The following ZDHHC8 variants were observed in gnomAD, a reference collection of about 807,000 sequenced individuals.
ZDHHC8 encodes the protein palmitoyltransferase ZDHHC8.
Under a neutral mutation model 61.2 loss-of-function variants are expected in ZDHHC8, and 24 were observed. That is an observed-to-expected ratio of 0.39 (90% CI 0.28 to 0.55). The LOEUF (loss-of-function observed/expected upper bound fraction) is 0.55. Among genes scored for constraint, ZDHHC8 ranks in the 20% least tolerant of loss-of-function variants. ZDHHC8 has a pLI of 0.60. For missense variants in ZDHHC8, 935 were observed against 1,102.1 expected, an observed-to-expected ratio of 0.85 and a Z score of 2.15; for synonymous variants, 523 against 492.5, an observed-to-expected ratio of 1.06 and a Z score of -0.82.
chr22:20,142,547 GC>G (rs2148008219), intron 9 of ZDHHC8, among the ~76,000 whole-genome samples: 1 of 152,314 alleles, frequency 6.6e-6, no homozygotes, highest in East Asian at 1.9e-4. Flanking sequence ...GTCTGCAGTA[GC>G]CAGCTGTGGC....
In ZDHHC8 at chr22:20,140,895, G is replaced by C; in HGVS notation, c.777G>C (p.Leu259=). The change falls in exon 7 of 11, where the codon CTG becomes CTC. Residue 259 remains leucine (L), a synonymous_variant. Transcript: ENST00000334554. ...GGTACGTGGTGGAGCCACCCCGGCTGCCGCTCGCGGTGAGTTTGAAGCCGC... is the reference window on the plus strand; with the variant it reads ...GGTACGTGGTGGAGCCACCCCGGCTCCCGCTCGCGGTGAGTTTGAAGCCGC... ...APRYVVEPPR[L]PLAVSLKPPF... 1 of 1,604,342 alleles carries C rather than the reference G, an allele frequency of 6.2e-7. No homozygotes were observed. Among genetic ancestry groups the C allele is most frequent in the Non-Finnish European group, 8.5e-7 (1 of 1,179,950 alleles).
intron 10 of ZDHHC8, among the ~76,000 whole-genome samples, chr22:20,144,633 C>T (rs184128526): frequency 1.3e-5 from 2 of 152,214 alleles, no homozygotes; most frequent in African/African-American, 4.8e-5. Context: ...AGGGTGGGAC[C>T]TGTTCAGCTT....
intron 5 of ZDHHC8, 67 bp from the exon 6 acceptor site, chr22:20,140,550 C>T: frequency 1.4e-6 from 2 of 1,468,370 alleles, no homozygotes; most frequent in South Asian, 1.4e-5. Flanking sequence ...GCTCCCTTGC[C>T]CAGCCCCCTG....
At chr22:20,134,437 T>A (rs1602565520) in intron 1 of ZDHHC8, among the ~76,000 whole-genome samples, 1 of 152,112 alleles carries the variant, frequency 6.6e-6, no homozygotes, top group Non-Finnish European at 1.5e-5. Flanking sequence ...TAGGCAGGGG[T>A]CCAGGCGGCC....
rs1156622864 is a variant in ZDHHC8, at chr22:20,146,941, G to A, written c.*1541G>A. 2.4e-5 allele frequency: 32 copies of A among 1,356,614 alleles called. No individual in the cohort carries two copies. The East Asian group carries it at 5.6e-4, about 24-fold the overall frequency. The allele number at this position is 1,356,614 out of a possible 1,614,324, so 84.0% of individuals were successfully genotyped here. On this transcript the variant is annotated 3_prime_UTR_variant, in exon 11 of 11. Transcript: ENST00000334554. Reference sequence around the variant, plus strand: ...CATTCTGGGCTGGGGCTGTCCCAGCGTGGGAGGCGTGCGGGCTGTAGGGCC... The same window carrying A: ...CATTCTGGGCTGGGGCTGTCCCAGCATGGGAGGCGTGCGGGCTGTAGGGCC...
chr22:20,147,478 G>A lies in ZDHHC8; in HGVS notation c.*2078G>A. The A allele has an allele frequency of 5.0e-6, 2 of 400,990 alleles. No homozygotes were observed. The highest frequency in any genetic ancestry group is 7.5e-5 in the South Asian group (1 of 13,268). 24.8% of individuals were successfully genotyped at this position (400,990 alleles called of 1,614,324 possible). A position where few individuals can be genotyped will look rare whatever the true frequency, so the allele number is the denominator to read the frequency against. On this transcript the variant is annotated 3_prime_UTR_variant, in exon 11 of 11. Coordinates refer to ENST00000334554, the MANE Select transcript of ZDHHC8 (RefSeq NM_013373.4). ...GGGCAGTCCCAGAGCTGTGGGGACC[G>A]GCACGACCTTTGCCCAGCCTCCCTA...
intron 1 of ZDHHC8, among the ~76,000 whole-genome samples, chr22:20,135,973 A>G (rs1402597188): frequency 6.6e-6 from 1 of 152,270 alleles, no homozygotes; most frequent in African/African-American, 2.4e-5. Context: ...TCTGCCCCTA[A>G]GCCACCCCTC....
Position 20,145,698 on chromosome 22 carries a change from CCT to C in ZDHHC8, c.*304_*305del. ...GGCCCAGTCAGCCTCTTTGGGGCAC[CCT>C]CTCTCAGCCAGGCTTGGCCCACTGC... On this transcript the variant is annotated 3_prime_UTR_variant, in exon 11 of 11. Coordinates refer to ENST00000334554, the MANE Select transcript of ZDHHC8 (RefSeq NM_013373.4). 1 of 1,047,156 alleles carries C rather than the reference CCT, an allele frequency of 9.5e-7. No individual in the cohort carries two copies. Among genetic ancestry groups the C allele is most frequent in the Non-Finnish European group, 1.1e-6 (1 of 869,970 alleles). 64.9% of individuals were successfully genotyped at this position (1,047,156 alleles called of 1,614,324 possible).
Position 20,145,893 on chromosome 22 carries a change from C to T in ZDHHC8, c.*493C>T, listed in dbSNP as rs576995203. 1.1e-5 allele frequency: 11 copies of T among 985,864 alleles called. No individual in the cohort carries two copies. The East Asian group carries it at 1.2e-3, about 112-fold the overall frequency. 61.1% of individuals were successfully genotyped at this position (985,864 alleles called of 1,614,324 possible). The stretch of plus-strand genomic sequence containing the variant: ...CAGGCTACTCCTAACTAACGCGTTG[C>T]CTTTCACGGACCCCGCTGGAAGCTT... On this transcript the variant is annotated 3_prime_UTR_variant, in exon 11 of 11. Transcript: ENST00000334554.
chr22:20,133,231 C>T (rs762351240), intron 1 of ZDHHC8, among the ~76,000 whole-genome samples: 2 of 151,874 alleles, frequency 1.3e-5, no homozygotes, highest in African/African-American at 2.4e-5. Context: ...GTTCTTGTCA[C>T]TTAGTTGCTG....
rs545014283 is a variant in ZDHHC8, at chr22:20,131,820, T to TCCGCCG, written c.-108_-103dup. 1.6e-3 allele frequency: 410 copies of TCCGCCG among 260,026 alleles called. 4 individuals carry two copies. Among genetic ancestry groups the TCCGCCG allele is most frequent in the South Asian group, 8.0e-3 (60 of 7,540 alleles). 16.1% of individuals were successfully genotyped at this position (260,026 alleles called of 1,614,324 possible). A position where few individuals can be genotyped will look rare whatever the true frequency, so the allele number is the denominator to read the frequency against. On this transcript the variant is annotated 5_prime_UTR_variant, in exon 1 of 11. Transcript: ENST00000334554. ...CCGCCGCCCGTGGGGTGGGATTTCC[T>TCCGCCG]CCGCCGCCGCCGCCGCCGCCGCCGC...
At position 20,140,721 on chromosome 22, in the gene ZDHHC8, C is replaced by G; in HGVS notation, c.752+13C>G. ...CCCTGGCGCCCCGGTGAGGCCCGGC[C>G]TGGGCAGGGTGGAGGGGGGCCTCTG... is the stretch of plus-strand genomic sequence containing the variant. On this transcript the variant is annotated intron_variant, in intron 6 of 10. Coordinates refer to ENST00000334554, the MANE Select transcript of ZDHHC8 (RefSeq NM_013373.4). 1.2e-6 allele frequency: 2 copies of G among 1,607,622 alleles called. No individual in the cohort carries two copies. The highest frequency in any genetic ancestry group is 1.7e-6 in the Non-Finnish European group (2 of 1,177,998).
rs762940483 is a variant in ZDHHC8, at chr22:20,141,176, T to G, written c.895-41T>G. On this transcript the variant is annotated intron_variant, in intron 7 of 10. Coordinates refer to ENST00000334554, the MANE Select transcript of ZDHHC8 (RefSeq NM_013373.4). ...TGAATCCCTAGTGAAGCCCTGCCCCTCATCCAAGCCCCACACACCACTGAC... is the reference window on the plus strand; with the variant it reads ...TGAATCCCTAGTGAAGCCCTGCCCCGCATCCAAGCCCCACACACCACTGAC... 3 of 1,595,482 alleles carry G rather than the reference T, an allele frequency of 1.9e-6. No individual in the cohort carries two copies. The South Asian group carries it at 3.4e-5, about 18-fold the overall frequency.
Position 20,139,870 on chromosome 22 carries a change from G to A in ZDHHC8, c.535G>A (p.Gly179Arg). 1 of 1,612,416 alleles carries A rather than the reference G, an allele frequency of 6.2e-7. No homozygotes were observed. Among genetic ancestry groups the A allele is most frequent in the South Asian group, 1.1e-5 (1 of 91,082 alleles). Residue 179 changes from glycine to arginine, a missense_variant, in exon 4 of 11, where the codon GGA becomes AGA. Gly to Arg is a moderately radical substitution (Grantham distance 125, BLOSUM62 -2). Around this residue, in one of 3 missense-constraint regions of ZDHHC8, gnomAD observed 199 missense variants for 334.0 expected, o/e 0.60. Transcript: ENST00000334554. ...CGTGCTGAACCACGCTGAGGGGCTG[G>A]GAGCCGCGCACACCACCATCACGTA... ...VYVLNHAEGL[G>R]AAHTTITMAV...
Position 20,147,550 on chromosome 22 carries a change from A to G in ZDHHC8, c.*2150A>G. 1.4e-5 allele frequency: 2 copies of G among 140,758 alleles called. No individual in the cohort carries two copies. The highest frequency in any genetic ancestry group is 2.4e-4 in the South Asian group (1 of 4,216). The allele number at this position is 140,758 out of a possible 1,614,324, so 8.7% of individuals were successfully genotyped here. A position where few individuals can be genotyped will look rare whatever the true frequency, so the allele number is the denominator to read the frequency against. On this transcript the variant is annotated 3_prime_UTR_variant, in exon 11 of 11. Transcript: ENST00000334554. ...AAGCCACTTCCTCCTCGGGGAGCCC[A>G]GGCCTCCGTGGGTTGGGCTGGGTGG...
Position 20,140,625 on chromosome 22 carries a change from G to T in ZDHHC8, c.669G>T (p.Gly223=). ...RGRTTNEQVT[G]KFRGGVNPFT... is the part of the protein sequence containing the mutation. The stretch of plus-strand genomic sequence containing the variant: ...GGGTCCTGCATCCACAGGTGACTGG[G>T]AAGTTCCGCGGGGGTGTGAACCCTT... The change falls in exon 6 of 11, where the codon GGG becomes GGT. Residue 223 remains glycine, a synonymous_variant. Coordinates refer to ENST00000334554, the MANE Select transcript of ZDHHC8 (RefSeq NM_013373.4). 1 of 1,607,826 alleles carries T rather than the reference G, an allele frequency of 6.2e-7. No homozygotes were observed.
Position 20,146,350 on chromosome 22 carries a change from C to T in ZDHHC8, c.*950C>T. ...TCAGTGCTTCCCTTGGTGTCAGGGA[C>T]CTGAGAGTAAGCACATGACAGCGTC... On this transcript the variant is annotated 3_prime_UTR_variant, in exon 11 of 11. Transcript: ENST00000334554. The T allele has an allele frequency of 2.0e-6, 2 of 985,644 alleles. No individual in the cohort carries two copies. The highest frequency in any genetic ancestry group is 2.4e-6 in the Non-Finnish European group (2 of 829,936). 61.1% of individuals were successfully genotyped at this position (985,644 alleles called of 1,614,324 possible).
rs2050448461 is a variant in ZDHHC8, at chr22:20,139,490, A to G, written c.239A>G (p.Glu80Gly). Residue 80 changes from glutamate (E) to glycine (G), a missense_variant, in exon 3 of 11, where the codon GAG becomes GGG. By Grantham distance (98) the Glu-to-Gly change is moderately conservative (BLOSUM62 -2). Around this residue, in one of 3 missense-constraint regions of ZDHHC8, gnomAD observed 199 missense variants for 334.0 expected, o/e 0.60. Transcript: ENST00000334554. ...PGVFPRADED[E>G]DKEDDFRAPL... Reference sequence around the variant, plus strand: ...TCCTGGTCTGTAGCGGATGAGGATGAGGACAAGGAGGACGACTTCCGGGCT... The same window carrying G: ...TCCTGGTCTGTAGCGGATGAGGATGGGGACAAGGAGGACGACTTCCGGGCT... The G allele has an allele frequency of 6.2e-7, 1 of 1,613,644 alleles. No homozygotes were observed. Among genetic ancestry groups the G allele is most frequent in the Non-Finnish European group, 8.5e-7 (1 of 1,179,952 alleles).
rs776995133 is a variant in ZDHHC8, at chr22:20,140,703, G to A, written c.747G>A (p.Ala249=). The A allele has an allele frequency of 1.3e-5, 21 of 1,610,282 alleles. No individual in the cohort carries two copies. The highest frequency in any genetic ancestry group is 2.7e-5 in the African/African-American group (2 of 74,918). ...AGCACGTGCTGTGTAGCCCCCTGGC[G>A]CCCCGGTGAGGCCCGGCCTGGGCAG... ...NVEHVLCSPL[A]PRYVVEPPRL... Residue 249 remains alanine (A), a synonymous_variant, in exon 6 of 11, where the codon GCG becomes GCA. Transcript: ENST00000334554.
Sources: gnomAD v4.1 joint callset for allele counts (sites outside exome capture counted in the v4.1 genomes callset) on GRCh38, gnomAD v4.1.1 for gene constraint, gnomAD v4.1.1 regional missense constraint, MANE v1.5 for transcripts, NCBI Gene and HGNC (gene_info 2026-07-23, HGNC 2026-07-21) for gene names.